Variants in ADAM18 observed in about 807,000 individuals in gnomAD.
ADAM18 encodes the protein disintegrin and metalloproteinase domain-containing protein 18.
A neutral mutation model predicts 94.4 loss-of-function variants in ADAM18; 117 were observed. The ratio of observed to expected loss-of-function variants is 1.24; its 90% confidence interval spans 1.07 to 1.45. The LOEUF is 1.45. ADAM18 is among the 40% of genes most tolerant of loss of function. The pLI is 0.00. For synonymous variants in ADAM18, 327 were observed against 291.6 expected (o/e 1.12, Z -1.24); for missense variants, 936 against 880.0 (o/e 1.06, Z -0.81).
At chr8:39,607,663 A>G (rs1284520928) in intron 3 of ADAM18, among the ~76,000 whole-genome samples, 3 of 149,674 alleles carry the variant, frequency 2.0e-5, no homozygotes. Flanking sequence ...AATACCACAG[A>G]CTCCTGCTCC....
chr8:39,611,617 C>A (rs965468311), intron 6 of ADAM18: 1 of 981,168 alleles, frequency 1.0e-6, no homozygotes, highest in Non-Finnish European at 1.2e-6. Context: ...CTGGAAACAG[C>A]ATTGCTTCCA....
At chr8:39,673,468 A>G (rs1465276717) in intron 14 of ADAM18, among the ~76,000 whole-genome samples, 1 of 148,210 alleles carries the variant, frequency 6.7e-6, no homozygotes, top group African/African-American at 2.5e-5. Context: ...CCCTCTCCCC[A>G]CACCCCACCC....
chr8:39,658,274 A>C (rs1820739885), intron 12 of ADAM18, among the ~76,000 whole-genome samples: 1 of 152,202 alleles, frequency 6.6e-6, no homozygotes, highest in Admixed American at 6.5e-5. Context: ...ACCTGTGTGC[A>C]TGCTATTTCA....
chr8:39,614,055 G>A (rs892800826), intron 6 of ADAM18, among the ~76,000 whole-genome samples: 3 of 152,162 alleles, frequency 2.0e-5, no homozygotes, highest in African/African-American at 4.8e-5. Flanking sequence ...AAACATATTT[G>A]AGGATATTTT....
At chr8:39,607,796 A>T (rs1819135889) in intron 3 of ADAM18, among the ~76,000 whole-genome samples, 1 of 140,310 alleles carries the variant, frequency 7.1e-6, no homozygotes, top group Non-Finnish European at 1.5e-5. Context: ...ACTCCATAGT[A>T]TGGTTTCTGC....
At chr8:39,687,001 AT>A (rs971377225) in intron 16 of ADAM18, among the ~76,000 whole-genome samples, 3 of 151,182 alleles carry the variant, frequency 2.0e-5, no homozygotes, top group African/African-American at 2.4e-5. Flanking sequence ...ATAGATTCCT[AT>A]TTTTTTTTAC....
At chr8:39,621,352 CACACACT>C (rs1819608593) in intron 6 of ADAM18, among the ~76,000 whole-genome samples, 5 of 145,136 alleles carry the variant, frequency 3.4e-5, no homozygotes, top group African/African-American at 1.3e-4. Context: ...CACACACACA[CACACACT>C]GTACCCATGT....
chr8:39,724,258 C>G lies in ADAM18; in HGVS notation c.2177+351C>G, dbSNP rs118096605. ...TTTTAATATCTTTGTTCTTGTAATCCGTTCAGATTTTCTGTTCTTTATTAA... is the reference window on the plus strand; with the variant it reads ...TTTTAATATCTTTGTTCTTGTAATCGGTTCAGATTTTCTGTTCTTTATTAA... On this transcript the variant is annotated intron_variant, in intron 19 of 19. Coordinates refer to ENST00000265707, the MANE Select transcript of ADAM18 (RefSeq NM_014237.3). Among the ~76,000 whole-genome samples the G allele has an allele frequency of 2.1e-3, 323 of 151,714 alleles. 1 individual carries two copies. The highest frequency in any genetic ancestry group is 3.6e-3 in the Non-Finnish European group (245 of 67,678).
intron 9 of ADAM18, 74 bp downstream of exon 9, chr8:39,637,777 C>A (rs538445152): frequency 5.2e-6 from 7 of 1,348,098 alleles, no homozygotes; most frequent in Admixed American, 2.8e-5. Context: ...GAATTTATTG[C>A]GTTCTTCAGT....
At chr8:39,624,625 C>T (rs1265353265) in intron 6 of ADAM18, among the ~76,000 whole-genome samples, 9 of 152,130 alleles carry the variant, frequency 5.9e-5, no homozygotes, top group Non-Finnish European at 1.3e-4. Context: ...TGATATGTTT[C>T]TGTATCCTCC....
At chr8:39,726,640 G>A (rs751486850) in intron 19 of ADAM18, among the ~76,000 whole-genome samples, 1 of 152,118 alleles carries the variant, frequency 6.6e-6, no homozygotes, top group African/African-American at 2.4e-5. Flanking sequence ...CAATGGCAAG[G>A]AGCTTTCTCT....
chr8:39,641,849 A>G (rs898642890), intron 10 of ADAM18, among the ~76,000 whole-genome samples: 6 of 152,106 alleles, frequency 3.9e-5, no homozygotes, highest in East Asian at 1.9e-4. Flanking sequence ...GTTTTCCACA[A>G]TGGCTGAACT....
intron 16 of ADAM18, among the ~76,000 whole-genome samples, chr8:39,686,578 TG>T (rs1348162433): frequency 6.6e-6 from 1 of 152,200 alleles, no homozygotes; most frequent in African/African-American, 2.4e-5. Context: ...AGGTGAATTT[TG>T]GGGAACACAA....
chr8:39,722,310 T>C (rs1366696818), intron 18 of ADAM18, among the ~76,000 whole-genome samples: 1 of 145,174 alleles, frequency 6.9e-6, no homozygotes, highest in East Asian at 2.0e-4. Flanking sequence ...CATATTTATA[T>C]TTCTTTATAT....
intron 18 of ADAM18, among the ~76,000 whole-genome samples, chr8:39,716,914 C>T (rs1406555723): frequency 6.6e-6 from 1 of 151,860 alleles, no homozygotes; most frequent in African/African-American, 2.4e-5. Flanking sequence ...CTTTCTGGTG[C>T]ATTGACTGTT....
chr8:39,641,182 A>G (rs1820226727), intron 10 of ADAM18, among the ~76,000 whole-genome samples: 1 of 151,988 alleles, frequency 6.6e-6, no homozygotes, highest in Admixed American at 6.6e-5. Context: ...AGTTTTGTAT[A>G]TGGTGTAAGG....
chr8:39,636,877 A>C (rs1288232561), intron 7 of ADAM18, among the ~76,000 whole-genome samples: 1 of 151,648 alleles, frequency 6.6e-6, no homozygotes, highest in Non-Finnish European at 1.5e-5. Context: ...TAGATACCAC[A>C]TATAAGTGAG....
At chr8:39,666,875 A>C (rs563010184) in intron 13 of ADAM18, among the ~76,000 whole-genome samples, 14 of 152,062 alleles carry the variant, frequency 9.2e-5, no homozygotes, top group Non-Finnish European at 1.9e-4. Context: ...TATTAATTTC[A>C]TCAAACTGGA....
chr8:39,728,425 T>C (rs1242877054), intron 19 of ADAM18, among the ~76,000 whole-genome samples: 1 of 152,180 alleles, frequency 6.6e-6, no homozygotes, highest in African/African-American at 2.4e-5. Flanking sequence ...CAGTGATGTA[T>C]AGTAGACTTC....
Sources: allele counts gnomAD v4.1 joint callset (sites outside exome capture counted in the v4.1 genomes callset), GRCh38; gene constraint gnomAD v4.1.1; transcripts MANE v1.5; gene names NCBI Gene and HGNC (gene_info 2026-07-23, HGNC 2026-07-21).